The following PARD3B variants were observed in gnomAD, a reference collection of about 807,000 sequenced individuals.
The protein encoded by PARD3B is par-3 family cell polarity regulator beta.
A neutral mutation model predicts 130.2 loss-of-function variants in PARD3B; 103 were observed. The ratio of observed to expected loss-of-function variants is 0.79; its 90% CI spans 0.67 to 0.93. The LOEUF (loss-of-function observed/expected upper bound fraction) is 0.93. Ranked by LOEUF, PARD3B falls within the 40% of genes least tolerant of loss-of-function variation. The pLI, the probability that PARD3B is intolerant of heterozygous loss-of-function variation, is 0.00. For synonymous variants in PARD3B, 583 were observed against 553.2 expected (o/e 1.05, Z -0.76); for missense variants, 1,609 against 1,499.2 (o/e 1.07, Z -1.21).
chr2:205,493,178 C>T (rs1347756787), intron 20 of PARD3B, among the ~76,000 whole-genome samples: 1 of 151,992 alleles, frequency 6.6e-6, no homozygotes, highest in Non-Finnish European at 1.5e-5. Context: ...CATAGAATCT[C>T]AGGTGTTTTA....
chr2:204,942,873 CAG>C (rs1361778631), intron 2 of PARD3B, among the ~76,000 whole-genome samples: 1 of 151,984 alleles, frequency 6.6e-6, no homozygotes, highest in East Asian at 1.9e-4. Flanking sequence ...AAAGGAACAA[CAG>C]AAACTGGGGC....
intron 3 of PARD3B, among the ~76,000 whole-genome samples, chr2:205,020,295 G>T (rs760395911): frequency 1.3e-5 from 2 of 152,026 alleles, no homozygotes; most frequent in Non-Finnish European, 2.9e-5. Flanking sequence ...CACACAGCTT[G>T]GTACTTAGTG....
At chr2:204,839,273 A>C (rs1247146169) in intron 2 of PARD3B, among the ~76,000 whole-genome samples, 1 of 152,208 alleles carries the variant, frequency 6.6e-6, no homozygotes, top group Admixed American at 6.5e-5. Flanking sequence ...TCTCTGGTCA[A>C]GGTCAGTTGT....
chr2:204,590,569 A>T (rs200265233), intron 1 of PARD3B, among the ~76,000 whole-genome samples: 3 of 152,060 alleles, frequency 2.0e-5, no homozygotes, highest in African/African-American at 7.2e-5. Flanking sequence ...AATGGCTGGG[A>T]TGGGGAGAAA....
At position 204,675,282 on chromosome 2, in the gene PARD3B, T is replaced by G. The variant is rs1368756066; in HGVS notation, c.121-10899T>G. On this transcript the variant is annotated intron_variant, in intron 1 of 22. Coordinates refer to ENST00000406610, the MANE Select transcript of PARD3B (RefSeq NM_001302769.2). The surrounding 1 kb of genome is among the most constrained non-coding windows in gnomAD (Gnocchi z 4.4). ...ATTGTTTTTAAATGGATTAAATCCA[T>G]TTAATCTGCTTAAGTATATTTGCAT... Among the ~76,000 whole-genome samples, 1 of 152,186 alleles carries G rather than the reference T, an allele frequency of 6.6e-6. No homozygotes were observed. The highest frequency in any genetic ancestry group is 1.5e-5 in the Non-Finnish European group (1 of 68,024).
chr2:204,833,415 G>T (rs2043904631), intron 2 of PARD3B, among the ~76,000 whole-genome samples: 1 of 152,050 alleles, frequency 6.6e-6, no homozygotes, highest in Non-Finnish European at 1.5e-5. Flanking sequence ...ATTGGTGGTG[G>T]TTTAATTTAA....
At chr2:205,439,162 A>G (rs56343795) in intron 19 of PARD3B, among the ~76,000 whole-genome samples, 36,469 of 152,090 alleles carry the variant, frequency 0.24, 7,333 homozygotes, top group African/African-American at 0.55. Context: ...TTGTTCGAAT[A>G]GGGGAAGATA....
At chr2:204,894,368 G>A (rs1166011123) in intron 2 of PARD3B, among the ~76,000 whole-genome samples, 11 of 151,850 alleles carry the variant, frequency 7.2e-5, no homozygotes, top group Non-Finnish European at 1.6e-4. Context: ...ATAAACCAGG[G>A]CTGGAATATG....
intron 2 of PARD3B, among the ~76,000 whole-genome samples, chr2:204,893,164 G>T (rs902838035): frequency 1.3e-5 from 2 of 152,104 alleles, no homozygotes; most frequent in Non-Finnish European, 2.9e-5. Flanking sequence ...GCACCCAAAT[G>T]AAGAAAGTAT....
chr2:204,797,370 C>T (rs1402662199), intron 2 of PARD3B, among the ~76,000 whole-genome samples: 2 of 152,150 alleles, frequency 1.3e-5, no homozygotes, highest in East Asian at 3.9e-4. Context: ...TACAAAAGTA[C>T]ATGCTCACAC....
chr2:205,212,798 C>T (rs953722435), intron 15 of PARD3B, among the ~76,000 whole-genome samples: 5 of 152,140 alleles, frequency 3.3e-5, no homozygotes, highest in South Asian at 2.1e-4. Context: ...CTTTGACTCT[C>T]TTTTACATAT....
intron 22 of PARD3B, among the ~76,000 whole-genome samples, chr2:205,557,214 A>G (rs956180037): frequency 6.6e-6 from 1 of 152,106 alleles, no homozygotes. Flanking sequence ...AACTGCATTC[A>G]TGGGTTCCAC....
chr2:205,224,262 T>G (rs1260410777), intron 15 of PARD3B, among the ~76,000 whole-genome samples: 3 of 138,890 alleles, frequency 2.2e-5, no homozygotes, highest in Non-Finnish European at 3.1e-5. Flanking sequence ...TCCCAGCTAC[T>G]CGGGAGGCTG....
At chr2:205,035,219 A>G (rs903264112) in intron 3 of PARD3B, among the ~76,000 whole-genome samples, 1 of 152,166 alleles carries the variant, frequency 6.6e-6, no homozygotes, top group Non-Finnish European at 1.5e-5. Context: ...GAGAGATTGA[A>G]TAAATGGATA....
In PARD3B at chr2:204,689,209, TGTCTGTG is replaced by T. The variant is rs2037243008; in HGVS notation, c.222+2932_222+2938del. Among the ~76,000 whole-genome samples the T allele has an allele frequency of 6.6e-6, 1 of 152,200 alleles. No individual in the cohort carries two copies. The highest frequency in any genetic ancestry group is 1.5e-5 in the Non-Finnish European group (1 of 68,030). Reference sequence around the variant, plus strand: ...TTTAAAACTTGTGCCTAAAGTGGTTTGTCTGTGGTCTTACTTCTATTATTCCTTTGGC... The same window carrying T: ...TTTAAAACTTGTGCCTAAAGTGGTTTGTCTTACTTCTATTATTCCTTTGGC... On this transcript the variant is annotated intron_variant, in intron 2 of 22. Transcript: ENST00000406610. The surrounding 1 kb of genome is among the most constrained non-coding windows in gnomAD (Gnocchi z 5.2).
At chr2:205,224,390 A>G (rs1272892790) in intron 15 of PARD3B, among the ~76,000 whole-genome samples, 5 of 137,124 alleles carry the variant, frequency 3.6e-5, no homozygotes, top group African/African-American at 1.4e-4. Context: ...AAAAAAAAAG[A>G]AAGAAAGAAA....
intron 2 of PARD3B, among the ~76,000 whole-genome samples, chr2:204,811,111 G>T (rs2042945541): frequency 6.6e-6 from 1 of 152,080 alleles, no homozygotes; most frequent in African/African-American, 2.4e-5. Flanking sequence ...GTTGTTTCTG[G>T]TGGTCTCTGA....
chr2:205,602,900 C>T (rs1042054437), intron 22 of PARD3B, among the ~76,000 whole-genome samples: 2 of 152,050 alleles, frequency 1.3e-5, no homozygotes, highest in African/African-American at 2.4e-5. Flanking sequence ...TTGCCTTCTT[C>T]TAGCTTTGGG....
intron 16 of PARD3B, among the ~76,000 whole-genome samples, chr2:205,286,368 T>G (rs183469190): frequency 9.4e-4 from 143 of 152,302 alleles, no homozygotes; most frequent in African/African-American, 3.3e-3. Flanking sequence ...TCATCATCAT[T>G]ATCATCATCA....
Sources: allele counts gnomAD v4.1 joint callset (sites outside exome capture counted in the v4.1 genomes callset), GRCh38; gene constraint gnomAD v4.1.1; non-coding constraint Gnocchi (gnomAD v3.1); transcripts MANE v1.5; gene names NCBI Gene and HGNC (gene_info 2026-07-23, HGNC 2026-07-21).